Variants in LYZL4 observed in about 807,000 individuals in gnomAD.
LYZL4 encodes the protein lysozyme like 4.
Under a neutral mutation model 17.6 loss-of-function variants are expected in LYZL4, and 13 were observed. The observed-to-expected ratio is 0.74, with a 90% CI of 0.48 to 1.18. The LOEUF (loss-of-function observed/expected upper bound fraction) is 1.18. Among genes scored for constraint, LYZL4 ranks in the 50% most tolerant of loss-of-function variants. LYZL4 has a pLI of 0.00. For missense variants in LYZL4, 174 were observed against 188.2 expected, an observed-to-expected ratio of 0.92 and a Z score of 0.44; for synonymous variants, 64 against 67.7, an observed-to-expected ratio of 0.95 and a Z score of 0.27.
At chr3:42,374,957 G>C in the LYZL4 span, among the ~76,000 whole-genome samples, 9 of 152,126 alleles carry the variant, frequency 5.9e-5, no homozygotes, top group South Asian at 1.7e-3. Flanking sequence ...CTAAAGGGGT[G>C]CACCACCATA....
chr3:42,387,967 C>A, the LYZL4 span, among the ~76,000 whole-genome samples: 2 of 152,288 alleles, frequency 1.3e-5, no homozygotes, highest in Admixed American at 1.3e-4. Flanking sequence ...ACCTCCCAGG[C>A]TCCAAGGTAG....
At chr3:42,399,939 GGCAAAAACCA>G (rs569539487) in intron 4 of LYZL4, among the ~76,000 whole-genome samples, 8,040 of 151,156 alleles carry the variant, frequency 0.053, 657 homozygotes, top group African/African-American at 0.18. Context: ...TAAGAGTAAT[GGCAAAAACCA>G]CCATTACTCT....
chr3:42,386,395 G>GCCCCCC, the LYZL4 span, among the ~76,000 whole-genome samples: 15 of 107,458 alleles, frequency 1.4e-4, 1 homozygote, highest in East Asian at 2.5e-4. Flanking sequence ...GAGCCACCAC[G>GCCCCCC]CCCCCCCCCC....
intron 4 of LYZL4, 94 bp downstream of exon 4, chr3:42,403,952 G>T: frequency 1.1e-6 from 1 of 884,404 alleles, no homozygotes; most frequent in Non-Finnish European, 1.8e-6. Flanking sequence ...TTTTGGCACT[G>T]CACGTGCGCA....
chr3:42,384,014 T>C, the LYZL4 span, among the ~76,000 whole-genome samples: 3 of 152,168 alleles, frequency 2.0e-5, no homozygotes, highest in Admixed American at 6.5e-5. Context: ...GAAAGCCCCA[T>C]TATATTGGAG....
the LYZL4 span, among the ~76,000 whole-genome samples, chr3:42,386,720 T>C: frequency 6.6e-6 from 1 of 152,214 alleles, no homozygotes. Context: ...TTTAAGAAGT[T>C]ACTGTTAATT....
chr3:42,398,697 CTTAT>C (rs1698599708), intron 4 of LYZL4, among the ~76,000 whole-genome samples: 1 of 152,204 alleles, frequency 6.6e-6, no homozygotes, highest in Admixed American at 6.5e-5. Context: ...CTATTTTTAA[CTTAT>C]TTAACAAAAA....
rs138272212 is a variant in LYZL4 at position 42,409,605 on chromosome 3, G to A, written c.-93+812C>T. ...TCTACAGTTCTTCCAGAACCTATTCGCCTCTCATCTTTTCTGCCATCATCC... is the reference window on the plus strand; with the variant it reads ...TCTACAGTTCTTCCAGAACCTATTCACCTCTCATCTTTTCTGCCATCATCC... On this transcript the variant is annotated intron_variant, in intron 1 of 4. Transcript: ENST00000287748. Among the ~76,000 whole-genome samples the A allele has an allele frequency of 7.2e-4, 109 of 152,104 alleles. No individual in the cohort carries two copies. In the Middle Eastern group the frequency reaches 0.01, roughly 14 times the overall value.
chr3:42,381,351 C>A, the LYZL4 span, among the ~76,000 whole-genome samples: 1 of 151,988 alleles, frequency 6.6e-6, no homozygotes, highest in Non-Finnish European at 1.5e-5. Flanking sequence ...ATCAATTCAT[C>A]GAAAGAAAGT....
At chr3:42,393,961 T>C (rs1698520415), downstream of LYZL4, among the ~76,000 whole-genome samples, 1 of 152,070 alleles carries the variant, frequency 6.6e-6, no homozygotes, top group Non-Finnish European at 1.5e-5. Context: ...CCAGCTAATT[T>C]TTTGTATTTT....
chr3:42,403,963 A>T, intron 4 of LYZL4, 83 bp downstream of exon 4: 1 of 1,042,650 alleles, frequency 9.6e-7, no homozygotes, highest in Non-Finnish European at 1.4e-6. Flanking sequence ...CACGTGCGCA[A>T]CAGCCAAGAT....
downstream of LYZL4, among the ~76,000 whole-genome samples, chr3:42,396,084 G>C (rs1698547143): frequency 6.6e-6 from 1 of 152,038 alleles, no homozygotes; most frequent in African/African-American, 2.4e-5. Context: ...AAGAAAAAAA[G>C]AAAACATCTA....
downstream of LYZL4, among the ~76,000 whole-genome samples, chr3:42,392,642 T>C (rs972678782): frequency 6.6e-6 from 1 of 152,014 alleles, no homozygotes; most frequent in African/African-American, 2.4e-5. Flanking sequence ...TGAGGGTGCA[T>C]GCATGACATC....
At chr3:42,376,629 A>C in the LYZL4 span, among the ~76,000 whole-genome samples, 2 of 152,358 alleles carry the variant, frequency 1.3e-5, no homozygotes, top group Non-Finnish European at 2.9e-5. Context: ...CGAGTGACTC[A>C]TTCTCCAAAG....
At chr3:42,365,326 C>A in the LYZL4 span, among the ~76,000 whole-genome samples, 1 of 152,146 alleles carries the variant, frequency 6.6e-6, no homozygotes, top group Admixed American at 6.5e-5. Context: ...TATCAGTCAC[C>A]AATTGCCACA....
the LYZL4 span, among the ~76,000 whole-genome samples, chr3:42,371,935 C>T: frequency 1.3e-5 from 2 of 152,324 alleles, no homozygotes; most frequent in Admixed American, 1.3e-4. Flanking sequence ...ATAGGGCGGG[C>T]ATCACCGTTC....
Position 42,406,709 on chromosome 3 carries a change from G to C in LYZL4, c.292+137C>G, listed in dbSNP as rs148550512. 1.8e-3 allele frequency: 1,923 copies of C among 1,074,428 alleles called. 6 individuals are homozygous for C. The highest frequency in any genetic ancestry group is 1.7e-3 in the Non-Finnish European group (1,284 of 743,010). The allele number at this position is 1,074,428 out of a possible 1,614,324, so 66.6% of individuals were successfully genotyped here. The stretch of plus-strand genomic sequence containing the variant: ...AGCAGTGCAATGCTCAGCCTCCCAG[G>C]GACCCACCCTGGATATGGCTCCTGC... On this transcript the variant is annotated intron_variant, in intron 3 of 4. Transcript: ENST00000287748.
chr3:42,365,954 C>A, the LYZL4 span, among the ~76,000 whole-genome samples: 1 of 152,082 alleles, frequency 6.6e-6, no homozygotes, highest in Non-Finnish European at 1.5e-5. Context: ...CTTATCACTC[C>A]AAGCCCTCTA....
chr3:42,385,593 C>T, the LYZL4 span, among the ~76,000 whole-genome samples: 2 of 152,180 alleles, frequency 1.3e-5, no homozygotes, highest in African/African-American at 4.8e-5. Flanking sequence ...AAATCCCCTA[C>T]TGAGGAAGAG....
Sources: gnomAD v4.1 joint callset for allele counts (sites outside exome capture counted in the v4.1 genomes callset) on GRCh38, gnomAD v4.1.1 for gene constraint, MANE v1.5 for transcripts, NCBI Gene and HGNC (gene_info 2026-07-23, HGNC 2026-07-21) for gene names.